Variants in NBPF26 observed in about 807,000 individuals in gnomAD.
The protein encoded by NBPF26 is NBPF family member NBPF26.
In NBPF26, 79 loss-of-function variants were observed where a neutral mutation model predicts 119.6. That is an observed-to-expected ratio of 0.66 (90% confidence interval 0.55 to 0.80). The LOEUF is 0.80. Ranked by LOEUF, NBPF26 falls within the 30% of genes least tolerant of loss-of-function variation. The pLI is 0.00. For missense variants in NBPF26, 800 were observed against 1,198.2 expected (o/e 0.67, Z 4.91); for synonymous variants, 299 against 457.7 (o/e 0.65, Z 4.43).
rs1186284641 is a variant in NBPF26, at chr1:120,785,252, G to A, written c.415+19G>A. 6.9e-5 allele frequency: 99 copies of A among 1,443,586 alleles called. 23 individuals carry two copies. Among genetic ancestry groups the A allele is most frequent in the Non-Finnish European group, 8.9e-5 (96 of 1,080,402 alleles). The allele number at this position is 1,443,586 out of a possible 1,614,324, so 89.4% of individuals were successfully genotyped here. ...TTTACAGGTAACTAATGAGACCAAAGCCAGTGCTTCCCTACCTTCAGCAGA... is the reference window on the plus strand; with the variant it reads ...TTTACAGGTAACTAATGAGACCAAAACCAGTGCTTCCCTACCTTCAGCAGA... On this transcript the variant is annotated intron_variant, in intron 3 of 29. Transcript: ENST00000620612.
rs1475797436 is a variant in NBPF26, at chr1:120,756,456, T to C, written c.74-7172T>C. ...GTCAAGACGTTAAAATACCTTCCGA[T>C]TGAGCAGTGGGTCTAAGCACAGATA... On this transcript the variant is annotated intron_variant, in intron 1 of 29. Coordinates refer to ENST00000620612, the Ensembl canonical transcript of NBPF26. Among the ~76,000 whole-genome samples, 4 of 117,612 alleles carry C rather than the reference T, an allele frequency of 3.4e-5. 1 individual carries two copies. Among genetic ancestry groups the C allele is most frequent in the Admixed American group, 2.4e-4 (3 of 12,328 alleles). 77.2% of individuals were successfully genotyped at this position (117,612 alleles called of 152,430 possible).
At chr1:120,833,204 ACT>A (rs1308101448) in intron 23 of NBPF26, among the ~76,000 whole-genome samples, 128 of 117,404 alleles carry the variant, frequency 1.1e-3, no homozygotes, top group Admixed American at 2.2e-3. Context: ...CAAAAGCTGT[ACT>A]CTCATGGCCA....
chr1:120,755,993 T>A (rs1651076309), intron 1 of NBPF26, among the ~76,000 whole-genome samples: 1 of 111,458 alleles, frequency 9.0e-6, no homozygotes, highest in Non-Finnish European at 1.7e-5. Flanking sequence ...GGAAGACAGA[T>A]GTTTCTCCAC....
In NBPF26 at chr1:120,727,812, C is replaced by T. The variant is rs1477359652; in HGVS notation, c.73+3562C>T. Among the ~76,000 whole-genome samples, 99 of 117,784 alleles carry T rather than the reference C, an allele frequency of 8.4e-4. 21 individuals are homozygous for T. The South Asian group carries it at 0.011, about 13-fold the overall frequency. 77.3% of individuals were successfully genotyped at this position (117,784 alleles called of 152,430 possible). A position where few individuals can be genotyped will look rare whatever the true frequency, so the allele number is the denominator to read the frequency against. ...TGATTTTCCTGTTTTTGTTTCCCCC[C>T]CTTTCTCTGCAAATGACTTGAAACC... On this transcript the variant is annotated intron_variant, in intron 1 of 29. Coordinates refer to ENST00000620612, the Ensembl canonical transcript of NBPF26.
At position 120,793,425 on chromosome 1, in the gene NBPF26, A is replaced by C. The variant is rs1651516563; in HGVS notation, c.680A>C (p.His227Pro). 7 of 1,442,646 alleles carry C rather than the reference A, an allele frequency of 4.9e-6. No individual in the cohort carries two copies. In the East Asian group the frequency reaches 9.4e-5, roughly 19 times the overall value. 89.4% of individuals were successfully genotyped at this position (1,442,646 alleles called of 1,614,324 possible). The change falls in exon 4 of 30, where the codon CAC (histidine) becomes CCC (proline). Residue 227 changes from histidine to proline, a missense_variant. Physicochemically the swap from His to Pro is moderately conservative, Grantham distance 77. Around this residue, in one of 13 missense-constraint regions of NBPF26, gnomAD observed 155 missense variants for 143.7 expected, o/e 1.08. Coordinates refer to ENST00000620612, the Ensembl canonical transcript of NBPF26. ...GACAGACTGTATGTGCCCTGTGCACACTCGCCTTGTGTCAATGGAGGCACC... is the reference window on the plus strand; with the variant it reads ...GACAGACTGTATGTGCCCTGTGCACCCTCGCCTTGTGTCAATGGAGGCACC...
chr1:120,776,365 G>A (rs1651306745), intron 2 of NBPF26, among the ~76,000 whole-genome samples: 1 of 75,074 alleles, frequency 1.3e-5, no homozygotes, highest in East Asian at 3.2e-4. Context: ...TGAACAGCGT[G>A]TACAGAGGTC....
chr1:120,790,222 G>A lies in NBPF26; in HGVS notation c.416-2939G>A, dbSNP rs1286222177. 1.0e-4 allele frequency among the ~76,000 whole-genome samples: 11 copies of A among 105,270 alleles called. 3 individuals carry two copies. Among genetic ancestry groups the A allele is most frequent in the Non-Finnish European group, 1.9e-4 (11 of 56,768 alleles). The allele number at this position is 105,270 out of a possible 152,430, so 69.1% of individuals were successfully genotyped here. ...GTAGAGATGGGCTTTCACCTTGTTA[G>A]CCAGAATGGTCTGGATCGCCTGACC... On this transcript the variant is annotated intron_variant, in intron 3 of 29. Transcript: ENST00000620612.
rs1263305801 is a variant in NBPF26, at chr1:120,765,780, C to T, written c.155+2071C>T. Among the ~76,000 whole-genome samples, 44 of 127,978 alleles carry T rather than the reference C, an allele frequency of 3.4e-4. 6 individuals are homozygous for T. Among genetic ancestry groups the T allele is most frequent in the African/African-American group, 1.0e-3 (31 of 29,566 alleles). 84.0% of individuals were successfully genotyped at this position (127,978 alleles called of 152,430 possible). ...ATAAAGAAAATGTGGCATGTATACA[C>T]GATGGAATACTATGCAGCCATAAAA... On this transcript the variant is annotated intron_variant, in intron 2 of 29. Transcript: ENST00000620612.
chr1:120,756,174 CT>C, intron 1 of NBPF26, among the ~76,000 whole-genome samples: 1 of 113,024 alleles, frequency 8.8e-6, no homozygotes, highest in Admixed American at 8.6e-5. Flanking sequence ...CTGATGTCTC[CT>C]TGTCTGCCCT....
At chr1:120,840,368 G>C (rs1553273422) in exon 30 of NBPF26, 1 of 1,458,776 alleles carries the variant, frequency 6.9e-7, no homozygotes, top group East Asian at 2.3e-5. Flanking sequence ...GCATGCTGAT[G>C]GAAGTGGAAG....
Position 120,823,649 on chromosome 1 carries a change from GC to G in NBPF26, c.2639+290del, listed in dbSNP as rs1435081785. Among the ~76,000 whole-genome samples the G allele has an allele frequency of 2.4e-5, 3 of 124,600 alleles. 1 individual carries two copies. The highest frequency in any genetic ancestry group is 4.9e-5 in the Non-Finnish European group (3 of 61,252). The allele number at this position is 124,600 out of a possible 152,430, so 81.7% of individuals were successfully genotyped here. Reference sequence around the variant, plus strand: ...TTTTACGCAAAATTATTGAGGACATGCTTTTCATGATCACTGTTCACTGTGT... The same window carrying G: ...TTTTACGCAAAATTATTGAGGACATGTTTTCATGATCACTGTTCACTGTGT... On this transcript the variant is annotated intron_variant, in intron 17 of 29. Transcript: ENST00000620612.
chr1:120,770,023 T>C lies in NBPF26; in HGVS notation c.155+6314T>C, dbSNP rs1220313763. ...AAATCAAAATTAATGCAAAATAAGT[T>C]GAAAATTATCAAAATTTTAAATAAG... On this transcript the variant is annotated intron_variant, in intron 2 of 29. Transcript: ENST00000620612. 1.8e-5 allele frequency among the ~76,000 whole-genome samples: 2 copies of C among 113,428 alleles called. 1 individual carries two copies. Among genetic ancestry groups the C allele is most frequent in the Non-Finnish European group, 3.7e-5 (2 of 53,938 alleles). The allele number at this position is 113,428 out of a possible 152,430, so 74.4% of individuals were successfully genotyped here.
At position 120,790,285 on chromosome 1, in the gene NBPF26, A is replaced by G. The variant is rs1279019414; in HGVS notation, c.416-2876A>G. On this transcript the variant is annotated intron_variant, in intron 3 of 29. Coordinates refer to ENST00000620612, the Ensembl canonical transcript of NBPF26. The stretch of plus-strand genomic sequence containing the variant: ...CGCCTCGGCCTCCCAAAGTGCTGGG[A>G]TTACAGGTGTGAGCCACCACACCGG... 1.8e-5 allele frequency among the ~76,000 whole-genome samples: 2 copies of G among 110,596 alleles called. 1 individual carries two copies. 72.6% of individuals were successfully genotyped at this position (110,596 alleles called of 152,430 possible).
Position 120,763,633 on chromosome 1 carries a change from C to T in NBPF26, c.79C>T (p.Gln27Ter), listed in dbSNP as rs1651156925. Residue 27 changes from glutamine (Q) to a stop codon, truncating the protein, a stop_gained, in exon 2 of 30, where the codon CAG (glutamine) becomes TAG (stop). Transcript: ENST00000620612. LOFTEE classifies it high-confidence loss of function. ...GCATTTGTTTTTATTTTTAGCATTG[C>T]AGTGTCGAGATGGCTATGAACCCTG... 7 of 1,374,862 alleles carry T rather than the reference C, an allele frequency of 5.1e-6. 2 individuals carry two copies. The East Asian group carries it at 7.1e-5, about 14-fold the overall frequency. The allele number at this position is 1,374,862 out of a possible 1,614,324, so 85.2% of individuals were successfully genotyped here. A position where few individuals can be genotyped will look rare whatever the true frequency, so the allele number is the denominator to read the frequency against.
At chr1:120,815,373 C>T (rs1477828264) in intron 12 of NBPF26, among the ~76,000 whole-genome samples, 1 of 115,426 alleles carries the variant, frequency 8.7e-6, no homozygotes, top group Non-Finnish European at 1.7e-5. Flanking sequence ...AATGAAGGTT[C>T]CCAGGCTGTC....
At chr1:120,805,086 G>A (rs1651648447) in intron 4 of NBPF26, among the ~76,000 whole-genome samples, 1 of 123,566 alleles carries the variant, frequency 8.1e-6, no homozygotes, top group Non-Finnish European at 1.6e-5. Context: ...TGAGGAATAT[G>A]CTTAGATGTA....
chr1:120,813,373 C>T (rs1553271262), intron 10 of NBPF26, among the ~76,000 whole-genome samples: 1 of 127,730 alleles, frequency 7.8e-6, no homozygotes, highest in Non-Finnish European at 1.6e-5. Flanking sequence ...ATGTGTCACA[C>T]TTTATGCTTC....
In NBPF26 at chr1:120,817,918, A is replaced by T. The variant is rs1297205584; in HGVS notation, c.2372-205A>T. ...ATATGGCATTATGGTCTACACATAG[A>T]GGGAGATTTTGGCCTGTGGGTCTGG... On this transcript the variant is annotated intron_variant, in intron 14 of 29. Coordinates refer to ENST00000620612, the Ensembl canonical transcript of NBPF26. Among the ~76,000 whole-genome samples, 367 of 115,842 alleles carry T rather than the reference A, an allele frequency of 3.2e-3. 132 individuals are homozygous for T. The highest frequency in any genetic ancestry group is 0.017 in the African/African-American group (335 of 19,536). 76.0% of individuals were successfully genotyped at this position (115,842 alleles called of 152,430 possible).
intron 1 of NBPF26, among the ~76,000 whole-genome samples, chr1:120,750,968 ATAT>A (rs1199648635): frequency 2.2e-5 from 2 of 90,270 alleles, no homozygotes; most frequent in Non-Finnish European, 4.0e-5. Flanking sequence ...AGGAGGAGAA[ATAT>A]TATTTAATCA....
Sources: gnomAD v4.1 joint callset for allele counts (sites outside exome capture counted in the v4.1 genomes callset) on GRCh38, gnomAD v4.1.1 for gene constraint, gnomAD v4.1.1 regional missense constraint, MANE v1.5 for transcripts, NCBI Gene and HGNC (gene_info 2026-07-23, HGNC 2026-07-21) for gene names.